FBN1: variants seen among roughly 807,000 people sequenced by gnomAD.
FBN1 encodes the protein fibrillin-1.
FBN1 carries 29 observed loss-of-function variants against 365.1 expected under a neutral mutation model. That is an observed-to-expected ratio of 0.08 (90% CI 0.06 to 0.11). The LOEUF (loss-of-function observed/expected upper bound fraction) is 0.11. FBN1 is among the 10% of genes least tolerant of loss of function. FBN1 has a pLI of 1.00. For synonymous variants in FBN1, 1,210 were observed against 1,270.5 expected (o/e 0.95, Z 1.01); for missense variants, 2,476 against 3,703.2 (o/e 0.67, Z 8.60).
intron 2 of FBN1, among the ~76,000 whole-genome samples, chr15:48,631,608 C>G (rs1011065031): frequency 1.7e-4 from 26 of 152,312 alleles, no homozygotes; most frequent in African/African-American, 6.3e-4. Flanking sequence ...TGTCCTATTT[C>G]TTTGGCGACA....
intron 65 of FBN1, 25 bp from the exon 66 acceptor site, chr15:48,411,404 T>G: frequency 6.2e-7 from 1 of 1,606,606 alleles, no homozygotes; most frequent in Non-Finnish European, 8.5e-7. Context: ...GGCAATATGT[T>G]AAATACAATG....
intron 7 of FBN1, among the ~76,000 whole-genome samples, chr15:48,536,066 A>C (rs2044010550): frequency 6.6e-6 from 1 of 152,156 alleles, no homozygotes; most frequent in South Asian, 2.1e-4. Context: ...AAGGACTGGA[A>C]ACACCAGCAA....
chr15:48,411,243 G>A lies in FBN1; in HGVS notation c.8363C>T (p.Thr2788Met), dbSNP rs143007898. The A allele has an allele frequency of 7.3e-5, 118 of 1,614,010 alleles. 3 individuals are homozygous for A. The African/African-American group carries it at 1.3e-3, about 18-fold the overall frequency. The change falls in exon 66 of 66, where the codon ACG becomes ATG. Residue 2788 changes from threonine (T) to methionine (M), a missense_variant. Thr to Met is a moderately conservative substitution (Grantham distance 81, BLOSUM62 -1). Transcript: ENST00000316623. ...TTCGATCAAGTATCTGTTGTGATTC[G>A]TCAGAGTTGTAAGAGCTGGAAGGAG... ...LELLPALTTLTNHNRYLIESG... is the reference protein window; with the variant it reads ...LELLPALTTLMNHNRYLIESG...
chr15:48,613,820 T>TG (rs1414786953), intron 2 of FBN1, among the ~76,000 whole-genome samples: 1 of 151,964 alleles, frequency 6.6e-6, no homozygotes, highest in Non-Finnish European at 1.5e-5. Context: ...CCCAGCTACT[T>TG]GGGGGGCTGA....
intron 19 of FBN1, 110 bp downstream of exon 19, chr15:48,497,156 G>T: frequency 8.1e-7 from 1 of 1,232,632 alleles, no homozygotes; most frequent in Non-Finnish European, 1.2e-6. Flanking sequence ...GAAGTATAAA[G>T]TGTCCATTTG....
intron 13 of FBN1, among the ~76,000 whole-genome samples, chr15:48,511,704 G>A (rs1253735871): frequency 1.3e-5 from 2 of 152,124 alleles, no homozygotes; most frequent in East Asian, 1.9e-4. Context: ...ATGTGAGCAC[G>A]TTCTCAACTT....
At chr15:48,555,857 A>G (rs2044175857) in intron 6 of FBN1, among the ~76,000 whole-genome samples, 1 of 152,222 alleles carries the variant, frequency 6.6e-6, no homozygotes, top group South Asian at 2.1e-4. Flanking sequence ...GGTTATCAGA[A>G]CTGAATGTAC....
intron 38 of FBN1, among the ~76,000 whole-genome samples, chr15:48,467,644 T>G (rs536679877): frequency 6.6e-6 from 1 of 152,316 alleles, no homozygotes; most frequent in Admixed American, 6.5e-5. Context: ...AATCAATGTG[T>G]CCCTGGAACG....
At chr15:48,492,693 A>T in intron 23 of FBN1, 107 bp from the exon 24 acceptor site, 1 of 968,114 alleles carries the variant, frequency 1.0e-6, no homozygotes, top group Non-Finnish European at 1.6e-6. Context: ...TGGTAAGTTC[A>T]TAAAACTAGT....
chr15:48,639,672 T>G (rs2140778633), intron 2 of FBN1, among the ~76,000 whole-genome samples: 1 of 152,316 alleles, frequency 6.6e-6, no homozygotes, highest in East Asian at 1.9e-4. Context: ...GAAAATCGAC[T>G]TGAACAATCA....
At chr15:48,512,096 T>C (rs1597579074) in intron 13 of FBN1, among the ~76,000 whole-genome samples, 1 of 152,196 alleles carries the variant, frequency 6.6e-6, no homozygotes, top group East Asian at 1.9e-4. Context: ...CCAGTTTTTT[T>C]CTGCTTAAAA....
At chr15:48,485,557 A>G in intron 29 of FBN1, 61 bp from the exon 30 acceptor site, 1 of 1,584,046 alleles carries the variant, frequency 6.3e-7, no homozygotes, top group Non-Finnish European at 8.6e-7. Context: ...CCCCTCCAAT[A>G]CTCGTGTTGA....
chr15:48,511,732 C>T (rs2043761151), intron 13 of FBN1, among the ~76,000 whole-genome samples: 1 of 152,140 alleles, frequency 6.6e-6, no homozygotes, highest in African/African-American at 2.4e-5. Context: ...TCAGGATAAC[C>T]TTAGTGCTAG....
At chr15:48,537,225 G>A (rs1364761775) in intron 7 of FBN1, among the ~76,000 whole-genome samples, 2 of 152,002 alleles carry the variant, frequency 1.3e-5, no homozygotes, top group African/African-American at 2.4e-5. Flanking sequence ...CCATGAGAGA[G>A]GAACTCAACA....
chr15:48,442,769 T>C (rs1332560331), intron 49 of FBN1, among the ~76,000 whole-genome samples: 1 of 152,240 alleles, frequency 6.6e-6, no homozygotes, highest in Non-Finnish European at 1.5e-5. Flanking sequence ...CCCACTCTAT[T>C]CCAACAAACT....
chr15:48,604,302 G>A (rs1370642518), intron 4 of FBN1, among the ~76,000 whole-genome samples: 1 of 152,176 alleles, frequency 6.6e-6, no homozygotes, highest in Non-Finnish European at 1.5e-5. Context: ...GCATTTGTAT[G>A]ACGAACATGT....
At chr15:48,641,326 CAG>C (rs1428969979) in intron 2 of FBN1, 2 of 151,206 alleles carry the variant, frequency 1.3e-5, no homozygotes, top group Admixed American at 6.6e-5. Context: ...ACACCTGCAA[CAG>C]GGGGGGAGGA....
chr15:48,438,003 T>A, intron 50 of FBN1, 86 bp from the exon 51 acceptor site: 1 of 1,362,004 alleles, frequency 7.3e-7, no homozygotes, highest in Non-Finnish European at 1.0e-6. Flanking sequence ...ACCCACTATG[T>A]TATATATGTT....
At chr15:48,499,091 A>C in intron 17 of FBN1, 53 bp from the exon 18 acceptor site, 1 of 1,573,536 alleles carries the variant, frequency 6.4e-7, no homozygotes, top group Middle Eastern at 1.7e-4. Context: ...GAACAGGTAG[A>C]TCCTGCCCTT....
Sources: gnomAD v4.1 joint callset for allele counts (sites outside exome capture counted in the v4.1 genomes callset) on GRCh38, gnomAD v4.1.1 for gene constraint, MANE v1.5 for transcripts, NCBI Gene and HGNC (gene_info 2026-07-23, HGNC 2026-07-21) for gene names.